Variants in PTPRD observed in about 807,000 individuals in gnomAD.
The protein encoded by PTPRD is protein tyrosine phosphatase receptor type D.
PTPRD carries 34 observed loss-of-function variants against 214.5 expected under a neutral mutation model. That is an observed-to-expected ratio of 0.16 (90% CI 0.12 to 0.21). PTPRD has a LOEUF of 0.21. Among genes scored for constraint, PTPRD ranks in the 10% least tolerant of loss-of-function variants. The pLI is 1.00. For synonymous variants in PTPRD, 1,128 were observed against 845.7 expected, an observed-to-expected ratio of 1.33 and a Z score of -5.79; for missense variants, 2,545 against 2,398.7, an observed-to-expected ratio of 1.06 and a Z score of -1.27.
intron 6 of PTPRD, among the ~76,000 whole-genome samples, chr9:9,759,216 T>C (rs1257050397): frequency 6.6e-6 from 1 of 152,216 alleles, no homozygotes; most frequent in Non-Finnish European, 1.5e-5. Context: ...AATACACATA[T>C]GGTCTAGCCT....
intron 11 of PTPRD, among the ~76,000 whole-genome samples, chr9:8,865,892 G>C (rs1031397052): frequency 2.0e-5 from 3 of 152,174 alleles, no homozygotes; most frequent in Non-Finnish European, 4.4e-5. Flanking sequence ...GGAGTGGATG[G>C]ATTCGTAGTT....
At chr9:9,636,085 G>A (rs2095756780) in intron 7 of PTPRD, among the ~76,000 whole-genome samples, 1 of 152,102 alleles carries the variant, frequency 6.6e-6, no homozygotes, top group Non-Finnish European at 1.5e-5. Context: ...CACTTTTTCA[G>A]GTTCTTCATT....
At chr9:8,418,030 G>C (rs1317273572) in intron 35 of PTPRD, among the ~76,000 whole-genome samples, 3 of 152,048 alleles carry the variant, frequency 2.0e-5, no homozygotes, top group African/African-American at 7.2e-5. Context: ...TTTAAAGTCA[G>C]GAATTGCCAT....
chr9:9,937,555 T>C (rs1035843856), intron 5 of PTPRD, among the ~76,000 whole-genome samples: 1 of 152,164 alleles, frequency 6.6e-6, no homozygotes, highest in Non-Finnish European at 1.5e-5. Flanking sequence ...CAGATATTCC[T>C]AATTATTTAC....
intron 2 of PTPRD, among the ~76,000 whole-genome samples, chr9:10,476,136 C>A (rs1167397558): frequency 1.3e-5 from 2 of 152,028 alleles, no homozygotes; most frequent in South Asian, 2.1e-4. Flanking sequence ...CTGGCCAGGG[C>A]AGTGAGGCAG....
intron 11 of PTPRD, among the ~76,000 whole-genome samples, chr9:8,996,851 G>T (rs2099398814): frequency 6.6e-6 from 1 of 151,912 alleles, no homozygotes; most frequent in Non-Finnish European, 1.5e-5. Flanking sequence ...AATTTTGGGG[G>T]ATATAACATT....
In PTPRD at chr9:9,771,673, C is replaced by T. The variant is rs554993586; in HGVS notation, c.-367-4822G>A. On this transcript the variant is annotated intron_variant, in intron 5 of 45. Coordinates refer to ENST00000381196, the MANE Select transcript of PTPRD (RefSeq NM_002839.4). ...TTTTAAATTCCCTACTGACATACAA[C>T]CCAATTTCAAGAGCATACATCCCTA... Among the ~76,000 whole-genome samples the T allele has an allele frequency of 9.9e-5, 15 of 152,276 alleles. No individual in the cohort carries two copies. The South Asian group carries it at 3.1e-3, about 32-fold the overall frequency.
intron 9 of PTPRD, among the ~76,000 whole-genome samples, chr9:9,249,977 C>T (rs533242320): frequency 4.7e-4 from 71 of 152,094 alleles, no homozygotes; most frequent in Admixed American, 1.0e-3. Context: ...TTTAAAAAAT[C>T]CCTGTAAATG....
At chr9:8,547,233 C>T (rs577979590) in intron 14 of PTPRD, among the ~76,000 whole-genome samples, 6 of 152,076 alleles carry the variant, frequency 3.9e-5, no homozygotes, top group African/African-American at 7.2e-5. Context: ...TTAAAGTCAC[C>T]CAAAGTTATG....
intron 2 of PTPRD, among the ~76,000 whole-genome samples, chr9:10,351,964 A>G (rs2097191045): frequency 6.6e-6 from 1 of 152,022 alleles, no homozygotes; most frequent in Admixed American, 6.6e-5. Flanking sequence ...AGTATTAGCT[A>G]TGTATGCCAA....
At chr9:9,831,727 T>G (rs2054906503) in intron 5 of PTPRD, among the ~76,000 whole-genome samples, 1 of 152,024 alleles carries the variant, frequency 6.6e-6, no homozygotes, top group South Asian at 2.1e-4. Context: ...GTAATTTCCC[T>G]AATTTATATC....
chr9:10,172,158 G>A (rs2099212447), intron 3 of PTPRD, among the ~76,000 whole-genome samples: 1 of 152,020 alleles, frequency 6.6e-6, no homozygotes, highest in African/African-American at 2.4e-5. Flanking sequence ...AAGTTACTTG[G>A]TTCTAGTGGC....
At chr9:9,603,637 A>T (rs2093941349) in intron 7 of PTPRD, among the ~76,000 whole-genome samples, 1 of 151,806 alleles carries the variant, frequency 6.6e-6, no homozygotes, top group Non-Finnish European at 1.5e-5. Context: ...TGCATGTGTG[A>T]GGGATCTGAG....
At chr9:8,939,926 A>G (rs1298105370) in intron 11 of PTPRD, among the ~76,000 whole-genome samples, 4 of 151,934 alleles carry the variant, frequency 2.6e-5, no homozygotes, top group African/African-American at 9.7e-5. Flanking sequence ...GAAAAACATA[A>G]ATTAACATGT....
chr9:9,385,486 C>A lies in PTPRD; in HGVS notation c.-203+11963G>T, dbSNP rs537718935. 5.9e-5 allele frequency among the ~76,000 whole-genome samples: 9 copies of A among 152,256 alleles called. 1 individual carries two copies. The East Asian group carries it at 1.7e-3, about 29-fold the overall frequency. ...TAAGCCTAACCTGGGTCAGTAATCA[C>A]AGGAAACCAATCCTTTCATATATAT... On this transcript the variant is annotated intron_variant, in intron 9 of 45. Coordinates refer to ENST00000381196, the MANE Select transcript of PTPRD (RefSeq NM_002839.4).
At chr9:9,474,466 A>G (rs2094875597) in intron 8 of PTPRD, among the ~76,000 whole-genome samples, 1 of 152,118 alleles carries the variant, frequency 6.6e-6, no homozygotes. Flanking sequence ...TTTTTAAAAA[A>G]TTTCAGTGAA....
chr9:9,199,967 G>A (rs1459800393), intron 9 of PTPRD, among the ~76,000 whole-genome samples: 2 of 152,102 alleles, frequency 1.3e-5, no homozygotes, highest in Non-Finnish European at 1.5e-5. Flanking sequence ...ATTGTAAATT[G>A]GCAATGCCTA....
intron 3 of PTPRD, among the ~76,000 whole-genome samples, chr9:10,280,081 C>T (rs540583381): frequency 6.6e-6 from 1 of 152,022 alleles, no homozygotes. Context: ...ATGTTTAGTA[C>T]AATAAACCAT....
At chr9:8,682,106 G>A (rs569750479) in intron 12 of PTPRD, among the ~76,000 whole-genome samples, 17 of 152,222 alleles carry the variant, frequency 1.1e-4, no homozygotes, top group Non-Finnish European at 1.9e-4. Context: ...TAGCGATATA[G>A]ACACCTTTGT....
Sources: allele counts gnomAD v4.1 joint callset (sites outside exome capture counted in the v4.1 genomes callset), GRCh38; gene constraint gnomAD v4.1.1; transcripts MANE v1.5; gene names NCBI Gene and HGNC (gene_info 2026-07-23, HGNC 2026-07-21).